The following CSMD1 variants were observed in gnomAD, a reference collection of about 807,000 sequenced individuals.
CSMD1 encodes the protein CUB and sushi domain-containing protein 1.
A neutral mutation model predicts 417.5 loss-of-function variants in CSMD1; 213 were observed. That is an observed-to-expected ratio of 0.51 (90% CI 0.46 to 0.57). The LOEUF (loss-of-function observed/expected upper bound fraction) is 0.57. CSMD1 is among the 20% of genes least tolerant of loss of function. The pLI, the probability that CSMD1 is intolerant of heterozygous loss-of-function variation, is 0.00. For missense variants in CSMD1, 6,923 were observed against 4,529.7 expected, an observed-to-expected ratio of 1.53 and a Z score of -15.17; for synonymous variants, 2,862 against 1,736.8, an observed-to-expected ratio of 1.65 and a Z score of -16.11.
intron 3 of CSMD1, among the ~76,000 whole-genome samples, chr8:4,214,459 G>C (rs998314797): frequency 2.0e-5 from 3 of 152,014 alleles, no homozygotes; most frequent in East Asian, 1.9e-4. Context: ...CACCACACTT[G>C]GCTAATGTTT....
intron 9 of CSMD1, among the ~76,000 whole-genome samples, chr8:3,576,268 AAATAATAATAATAATAAT>A (rs60673988): frequency 6.8e-6 from 1 of 147,676 alleles, no homozygotes; most frequent in African/African-American, 2.5e-5. Context: ...ATGCATGTCA[AAATAATAATAATAATAAT>A]AATAATAATA....
chr8:4,152,802 A>T (rs1796639204), intron 3 of CSMD1, among the ~76,000 whole-genome samples: 1 of 152,212 alleles, frequency 6.6e-6, no homozygotes, highest in South Asian at 2.1e-4. Context: ...GGGAATATAC[A>T]CACATACACG....
At chr8:4,501,786 T>G (rs1802271829) in intron 2 of CSMD1, among the ~76,000 whole-genome samples, 1 of 152,142 alleles carries the variant, frequency 6.6e-6, no homozygotes, top group South Asian at 2.1e-4. Context: ...TGTCGTTATT[T>G]GACTTTATAA....
chr8:3,210,068 A>G lies in CSMD1; in HGVS notation c.4867+4429T>C, dbSNP rs114099402. Among the ~76,000 whole-genome samples the G allele has an allele frequency of 3.2e-3, 492 of 152,310 alleles. 5 individuals carry two copies. The highest frequency in any genetic ancestry group is 0.011 in the African/African-American group (460 of 41,566). Reference sequence around the variant, plus strand: ...CACGCATCTAAAACAAACTGCCCCAAAATGCACCAACTGCATCCCATGATG... The same window carrying G: ...CACGCATCTAAAACAAACTGCCCCAGAATGCACCAACTGCATCCCATGATG... On this transcript the variant is annotated intron_variant, in intron 30 of 69. Coordinates refer to ENST00000635120, the MANE Select transcript of CSMD1 (RefSeq NM_033225.6).
chr8:3,585,988 T>C (rs1245549270), intron 9 of CSMD1, 148 bp downstream of exon 9: 1 of 805,974 alleles, frequency 1.2e-6, no homozygotes, highest in African/African-American at 1.7e-5. Flanking sequence ...AAGGTTTCTG[T>C]TATTACCCAC....
At position 4,293,692 on chromosome 8, in the gene CSMD1, T is replaced by C. The variant is rs528509341; in HGVS notation, c.415+126261A>G. Among the ~76,000 whole-genome samples the C allele has an allele frequency of 1.7e-3, 261 of 152,338 alleles. 3 individuals carry two copies. The highest frequency in any genetic ancestry group is 0.017 in the South Asian group (80 of 4,830). On this transcript the variant is annotated intron_variant, in intron 3 of 69. Transcript: ENST00000635120. ...AATAATAACAATCATATCTCATTAC[T>C]TAGAATTGCATTCCATACTTTAAAA...
intron 9 of CSMD1, among the ~76,000 whole-genome samples, chr8:3,577,444 A>G (rs534818215): frequency 1.3e-5 from 2 of 152,142 alleles, no homozygotes; most frequent in African/African-American, 4.8e-5. Flanking sequence ...TCTTTGCAAC[A>G]TATTTTAATA....
At chr8:3,550,616 T>A (rs899931653) in intron 10 of CSMD1, among the ~76,000 whole-genome samples, 4 of 152,198 alleles carry the variant, frequency 2.6e-5, no homozygotes, top group African/African-American at 9.7e-5. Flanking sequence ...CTCATCAGTC[T>A]CCACCCCTTT....
chr8:3,781,304 T>A lies in CSMD1; in HGVS notation c.819-27262A>T, dbSNP rs557992814. Among the ~76,000 whole-genome samples the A allele has an allele frequency of 7.2e-4, 110 of 152,272 alleles. 4 individuals carry two copies. The South Asian group carries it at 0.017, about 23-fold the overall frequency. On this transcript the variant is annotated intron_variant, in intron 5 of 69. Transcript: ENST00000635120. Reference sequence around the variant, plus strand: ...AGAATATGGTATGAATATACAATATTCATACATGTCTTTGTTCTTTTCATT... The same window carrying A: ...AGAATATGGTATGAATATACAATATACATACATGTCTTTGTTCTTTTCATT...
intron 5 of CSMD1, among the ~76,000 whole-genome samples, chr8:3,903,476 G>T (rs934930676): frequency 1.3e-5 from 2 of 152,144 alleles, no homozygotes; most frequent in Non-Finnish European, 2.9e-5. Flanking sequence ...AAAGTCTAAA[G>T]TGGTATTATC....
intron 2 of CSMD1, among the ~76,000 whole-genome samples, chr8:4,596,501 C>T (rs968597570): frequency 2.0e-5 from 3 of 152,038 alleles, no homozygotes; most frequent in South Asian, 2.1e-4. Context: ...ATGTATAACA[C>T]ACAAGACTCT....
chr8:3,826,941 G>C (rs954249000), intron 5 of CSMD1, among the ~76,000 whole-genome samples: 3 of 151,924 alleles, frequency 2.0e-5, no homozygotes, highest in Non-Finnish European at 4.4e-5. Context: ...CATGTGCCTA[G>C]CTATTTTTTT....
chr8:3,921,504 T>C (rs1358222153), intron 5 of CSMD1, among the ~76,000 whole-genome samples: 1 of 152,158 alleles, frequency 6.6e-6, no homozygotes, highest in South Asian at 2.1e-4. Flanking sequence ...TAAAATACTT[T>C]TTATTTTTTT....
chr8:3,781,504 A>AG (rs33912508), intron 5 of CSMD1, among the ~76,000 whole-genome samples: 48,937 of 151,862 alleles, frequency 0.32, 9,417 homozygotes, highest in African/African-American at 0.53. Flanking sequence ...CCCCTGAGTT[A>AG]GGTGTGCGAT....
At chr8:3,768,280 T>A (rs891203214) in intron 5 of CSMD1, among the ~76,000 whole-genome samples, 1 of 152,212 alleles carries the variant, frequency 6.6e-6, no homozygotes, top group Non-Finnish European at 1.5e-5. Flanking sequence ...ATATCATGAT[T>A]GAGCTAGGTG....
chr8:4,859,205 C>T (rs1801985454), intron 1 of CSMD1, among the ~76,000 whole-genome samples: 1 of 151,808 alleles, frequency 6.6e-6, no homozygotes. Flanking sequence ...GGAAAACTGG[C>T]TAGCCATATG....
At chr8:4,039,513 G>A (rs936019515) in intron 3 of CSMD1, among the ~76,000 whole-genome samples, 3 of 152,120 alleles carry the variant, frequency 2.0e-5, no homozygotes, top group African/African-American at 7.2e-5. Flanking sequence ...AAAAGGAGAA[G>A]GTGCTGACAA....
chr8:4,900,842 G>A (rs926510858), intron 1 of CSMD1, among the ~76,000 whole-genome samples: 1 of 152,144 alleles, frequency 6.6e-6, no homozygotes, highest in Non-Finnish European at 1.5e-5. Context: ...TCTAATTTCT[G>A]TCCTTATGTA....
At chr8:4,417,624 C>T (rs180978005) in intron 3 of CSMD1, among the ~76,000 whole-genome samples, 11 of 151,880 alleles carry the variant, frequency 7.2e-5, no homozygotes, top group African/African-American at 2.7e-4. Flanking sequence ...TATTATTTGA[C>T]TCATACCAAT....
Sources: gnomAD v4.1 joint callset for allele counts (sites outside exome capture counted in the v4.1 genomes callset) on GRCh38, gnomAD v4.1.1 for gene constraint, MANE v1.5 for transcripts, NCBI Gene and HGNC (gene_info 2026-07-23, HGNC 2026-07-21) for gene names.